The following DPP6 variants were observed in gnomAD, a reference collection of about 807,000 sequenced individuals.
DPP6 encodes the protein dipeptidyl peptidase like 6.
DPP6 carries 69 observed loss-of-function variants against 122.6 expected under a neutral mutation model. The ratio of observed to expected loss-of-function variants is 0.56; its 90% CI spans 0.46 to 0.69. DPP6 has a LOEUF of 0.69. Ranked by LOEUF, DPP6 falls within the 30% of genes least tolerant of loss-of-function variation. The pLI is 0.00. For synonymous variants in DPP6, 418 were observed against 433.1 expected, an observed-to-expected ratio of 0.97 and a Z score of 0.43; for missense variants, 928 against 1,116.9, an observed-to-expected ratio of 0.83 and a Z score of 2.41.
intron 1 of DPP6, among the ~76,000 whole-genome samples, chr7:154,223,652 G>T (rs1239386211): frequency 1.3e-5 from 2 of 149,264 alleles, no homozygotes; most frequent in Non-Finnish European, 2.9e-5. Flanking sequence ...ATGTGGCCAA[G>T]TCCTGTTGGG....
chr7:154,084,122 T>G (rs1585339916), intron 1 of DPP6, among the ~76,000 whole-genome samples: 1 of 95,574 alleles, frequency 1.0e-5, no homozygotes, highest in East Asian at 2.9e-4. Context: ...AGATTTTAAC[T>G]CATGCCTCAG....
chr7:153,755,899 TCA>T, the DPP6 span, among the ~76,000 whole-genome samples: 1 of 152,204 alleles, frequency 6.6e-6, no homozygotes, highest in East Asian at 1.9e-4. Context: ...AGCCACTGAC[TCA>T]CAGGCTATGG....
chr7:154,324,835 T>TTTTC (rs1322653849), intron 1 of DPP6, among the ~76,000 whole-genome samples: 3 of 151,390 alleles, frequency 2.0e-5, no homozygotes, highest in South Asian at 2.1e-4. Context: ...CTCCATTTTC[T>TTTTC]TTTCTTTCTT....
At chr7:153,846,968 T>C in the DPP6 span, among the ~76,000 whole-genome samples, 1 of 152,192 alleles carries the variant, frequency 6.6e-6, no homozygotes, top group African/African-American at 2.4e-5. Flanking sequence ...GTTACAGGCA[T>C]GAGCCACCGT....
chr7:154,373,692 G>C (rs754917121), intron 1 of DPP6, among the ~76,000 whole-genome samples: 12 of 143,426 alleles, frequency 8.4e-5, no homozygotes, highest in Non-Finnish European at 1.7e-4. Flanking sequence ...TGGCATGAGG[G>C]CATTTACACT....
intron 3 of DPP6, among the ~76,000 whole-genome samples, chr7:154,504,540 A>G (rs1825520282): frequency 6.6e-6 from 1 of 152,204 alleles, no homozygotes; most frequent in Non-Finnish European, 1.5e-5. Context: ...AGATGTGAGT[A>G]CAAGAATAGA....
intron 1 of DPP6, among the ~76,000 whole-genome samples, chr7:154,325,592 C>A (rs774415021): frequency 3.3e-5 from 5 of 152,142 alleles, no homozygotes; most frequent in Non-Finnish European, 7.4e-5. Context: ...ATTTCATTCC[C>A]TAAGAAATAG....
At chr7:154,299,972 G>A (rs994323661) in intron 1 of DPP6, among the ~76,000 whole-genome samples, 4 of 152,290 alleles carry the variant, frequency 2.6e-5, no homozygotes, top group Non-Finnish European at 5.9e-5. Flanking sequence ...ACATCTGGAG[G>A]GGGGAGAATG....
chr7:153,909,872 C>T (rs191542687), intron 1 of DPP6, among the ~76,000 whole-genome samples: 1 of 152,120 alleles, frequency 6.6e-6, no homozygotes, highest in Non-Finnish European at 1.5e-5. Flanking sequence ...GCTGATATCA[C>T]AGGAGAGGAT....
rs139930092 is a variant in DPP6, at chr7:154,734,006, G to C, written c.883+6119G>C. On this transcript the variant is annotated intron_variant, in intron 8 of 25. Transcript: ENST00000377770. ...CTTCCTGCGTGTTGTGAACAGACCA[G>C]AGCCAGTTGTGACCATCGATAACTG... Among the ~76,000 whole-genome samples the C allele has an allele frequency of 5.3e-4, 81 of 152,352 alleles. 1 individual carries two copies. Among genetic ancestry groups the C allele is most frequent in the Non-Finnish European group, 8.5e-4 (58 of 68,044 alleles).
intron 5 of DPP6, among the ~76,000 whole-genome samples, chr7:154,567,509 C>T (rs1487198596): frequency 6.6e-6 from 1 of 152,172 alleles, no homozygotes; most frequent in Non-Finnish European, 1.5e-5. Context: ...TTTCATTTGA[C>T]ATGCTCGTAT....
At chr7:154,666,206 TATACATAC>T (rs1428005082) in intron 6 of DPP6, among the ~76,000 whole-genome samples, 10 of 145,476 alleles carry the variant, frequency 6.9e-5, no homozygotes, top group African/African-American at 2.0e-4. Context: ...TATATACACA[TATACATAC>T]ATACATACAT....
intron 1 of DPP6, among the ~76,000 whole-genome samples, chr7:154,279,860 G>A (rs1482362775): frequency 6.6e-6 from 1 of 152,206 alleles, no homozygotes; most frequent in Non-Finnish European, 1.5e-5. Context: ...CACAGGGGAT[G>A]ACCCTTCTCA....
intron 1 of DPP6, among the ~76,000 whole-genome samples, chr7:154,195,472 G>T (rs1042606450): frequency 6.6e-6 from 1 of 152,098 alleles, no homozygotes; most frequent in South Asian, 2.1e-4. Flanking sequence ...AGCCTGTTGG[G>T]TAAGAATGGA....
At chr7:153,826,247 CA>C in the DPP6 span, among the ~76,000 whole-genome samples, 5 of 152,168 alleles carry the variant, frequency 3.3e-5, no homozygotes, top group Non-Finnish European at 5.9e-5. Context: ...AAAGGAAAAA[CA>C]GATAAAAGTC....
intron 17 of DPP6, among the ~76,000 whole-genome samples, chr7:154,860,242 A>G (rs1051864595): frequency 1.3e-5 from 2 of 152,076 alleles, no homozygotes; most frequent in Non-Finnish European, 2.9e-5. Context: ...GGCTGTGCCC[A>G]CAGCTCCCCT....
rs542673049 is a variant in DPP6, at chr7:154,076,267, C to T, written c.243+23204C>T. 8.5e-5 allele frequency among the ~76,000 whole-genome samples: 13 copies of T among 152,202 alleles called. No individual in the cohort carries two copies. In the East Asian group the frequency reaches 1.2e-3, roughly 14 times the overall value. On this transcript the variant is annotated intron_variant, in intron 1 of 25. Transcript: ENST00000377770. ...GAGTTCAAGACCAGCCTCGCCAAAA[C>T]GGTGAACCCCTGTCCCTACTAAAAA...
chr7:153,857,084 A>G, the DPP6 span, among the ~76,000 whole-genome samples: 6 of 150,338 alleles, frequency 4.0e-5, no homozygotes, highest in African/African-American at 1.5e-4. Context: ...ATATGAAAGT[A>G]AAATGCTCCA....
intron 1 of DPP6, among the ~76,000 whole-genome samples, chr7:154,031,014 GC>G (rs1799197211): frequency 2.0e-5 from 3 of 151,900 alleles, no homozygotes. Context: ...TACTAGCTCA[GC>G]CCACCAAGAG....
Sources: gnomAD v4.1 joint callset for allele counts (sites outside exome capture counted in the v4.1 genomes callset) on GRCh38, gnomAD v4.1.1 for gene constraint, MANE v1.5 for transcripts, NCBI Gene and HGNC (gene_info 2026-07-23, HGNC 2026-07-21) for gene names.